The following CORO2A variants were observed in gnomAD, a reference collection of about 807,000 sequenced individuals.
The protein encoded by CORO2A is coronin 2A, also known as coronin-2A.
In CORO2A, 47 loss-of-function variants were observed where a neutral mutation model predicts 62.4. That is an observed-to-expected ratio of 0.75 (90% confidence interval 0.60 to 0.96). CORO2A has a LOEUF of 0.96. CORO2A is among the 40% of genes least tolerant of loss of function. The pLI is 0.00. For synonymous variants in CORO2A, 273 were observed against 268.9 expected (o/e 1.02, Z -0.15); for missense variants, 610 against 684.1 (o/e 0.89, Z 1.21).
chr9:98,128,765 C>T (rs1261367457), intron 8 of CORO2A, 46 bp from the exon 9 acceptor site: 1 of 1,548,440 alleles, frequency 6.5e-7, no homozygotes, highest in Admixed American at 1.7e-5. Flanking sequence ...TAGGCTGGGG[C>T]CACAGTGTTA....
intron 7 of CORO2A, 116 bp downstream of exon 7, chr9:98,130,839 A>C (rs945039245): frequency 1.3e-6 from 1 of 794,914 alleles, no homozygotes; most frequent in Non-Finnish European, 2.0e-6. Context: ...TCTCACAGGG[A>C]AAGAGTGGCC....
Position 98,126,656 on chromosome 9 carries a change from C to T in CORO2A, c.1339G>A (p.Glu447Lys). 3 of 1,614,246 alleles carry T rather than the reference C, an allele frequency of 1.9e-6. No individual in the cohort carries two copies. The highest frequency in any genetic ancestry group is 1.7e-6 in the Non-Finnish European group (2 of 1,180,042). The change falls in exon 11 of 12, where the codon GAG becomes AAG. Residue 447 changes from glutamate (E) to lysine (K), a missense_variant. Coordinates refer to ENST00000375077, the MANE Select transcript of CORO2A (RefSeq NM_052820.4). ...TCTGCTGCCCACCTTGGCATCTTCT[C>T]CTCCAACAGGGAGGAAGACCTCCAG... ...DGWRSSSLLEEKMPRWAAEHR... is the reference protein window; with the variant it reads ...DGWRSSSLLEKKMPRWAAEHR...
chr9:98,169,397 C>A (rs1828003761), intron 1 of CORO2A, among the ~76,000 whole-genome samples: 3 of 152,120 alleles, frequency 2.0e-5, no homozygotes. Flanking sequence ...CCTCCTCCTG[C>A]CCTGCCTCCT....
chr9:98,132,388 C>CTCCCAGGTGGAGCGGTGGCATA, intron 5 of CORO2A, 87 bp from the exon 6 acceptor site: 2 of 1,042,162 alleles, frequency 1.9e-6, no homozygotes, highest in South Asian at 1.3e-5. Context: ...TTGCTTATGC[C>CTCCCAGGTGGAGCGGTGGCATA]ACCGCTCCAC....
chr9:98,130,205 C>G (rs772664446), intron 7 of CORO2A, among the ~76,000 whole-genome samples: 10 of 152,152 alleles, frequency 6.6e-5, no homozygotes. Flanking sequence ...CTCAGCCTCC[C>G]GAGTAGGTGG....
intron 1 of CORO2A, among the ~76,000 whole-genome samples, chr9:98,180,767 G>A (rs959477542): frequency 1.3e-5 from 2 of 151,964 alleles, no homozygotes; most frequent in Admixed American, 1.3e-4. Context: ...CCCAATGATG[G>A]ATCAGTAAAA....
Position 98,133,172 on chromosome 9 carries a change from G to T in CORO2A, c.514C>A (p.Pro172Thr), listed in dbSNP as rs944716767. ...TGGTGACAGCTAATCGTACTCATGG[G>T]GCTTGTGATGACAGACTCCTTTGTA... ...LDTKESVITSPMSTISCHQDV... is the reference protein window; with the variant it reads ...LDTKESVITSTMSTISCHQDV... The change falls in exon 5 of 12, where the codon CCC becomes ACC. Residue 172 changes from proline to threonine, a missense_variant. Physicochemically the swap from Pro to Thr is conservative, Grantham distance 38. Transcript: ENST00000375077. The T allele has an allele frequency of 6.2e-7, 1 of 1,614,220 alleles. No individual in the cohort carries two copies. The highest frequency in any genetic ancestry group is 8.5e-7 in the Non-Finnish European group (1 of 1,180,042).
At chr9:98,183,885 CG>C (rs1564220900) in intron 1 of CORO2A, among the ~76,000 whole-genome samples, 1 of 152,170 alleles carries the variant, frequency 6.6e-6, no homozygotes, top group African/African-American at 2.4e-5. Context: ...CACTTGAACC[CG>C]GGAGGCGGAG....
At position 98,122,244 on chromosome 9, in the gene CORO2A, C is replaced by T. The variant is rs41313315; in HGVS notation, c.*2530G>A. 0.23 allele frequency: 35,484 copies of T among 152,100 alleles called. 4,357 individuals carry two copies. Among genetic ancestry groups the T allele is most frequent in the South Asian group, 0.32 (1,518 of 4,812 alleles). 9.4% of individuals were successfully genotyped at this position (152,100 alleles called of 1,614,324 possible). ...AATAGGTACACATGCAGTCTTCCAT[C>T]TTCACTGTACTGCAGATCACCTGTG... is the stretch of plus-strand genomic sequence containing the variant. On this transcript the variant is annotated 3_prime_UTR_variant, in exon 12 of 12. Transcript: ENST00000375077.
At chr9:98,179,959 C>T (rs79600003) in intron 1 of CORO2A, among the ~76,000 whole-genome samples, 27,216 of 152,016 alleles carry the variant, frequency 0.18, 3,796 homozygotes, top group African/African-American at 0.37. Flanking sequence ...GCCGAGATCA[C>T]GCCACTGCAC....
intron 2 of CORO2A, among the ~76,000 whole-genome samples, chr9:98,156,236 C>T (rs1337777289): frequency 6.6e-6 from 1 of 152,088 alleles, no homozygotes; most frequent in Non-Finnish European, 1.5e-5. Flanking sequence ...GATGGGGTTT[C>T]ACCATGTTGC....
At chr9:98,179,958 A>G (rs1383182559) in intron 1 of CORO2A, among the ~76,000 whole-genome samples, 1 of 152,160 alleles carries the variant, frequency 6.6e-6, no homozygotes, top group African/African-American at 2.4e-5. Flanking sequence ...AGCCGAGATC[A>G]CGCCACTGCA....
chr9:98,156,308 G>A lies in CORO2A; in HGVS notation c.201+1152C>T, dbSNP rs144771711. On this transcript the variant is annotated intron_variant, in intron 2 of 11. Transcript: ENST00000375077. ...TCTGGCCTTGGCCTTCCAAAGTGCT[G>A]GGATTACAGGTGTGAGCCACTGTAC... Among the ~76,000 whole-genome samples, 295 of 152,200 alleles carry A rather than the reference G, an allele frequency of 1.9e-3. 4 individuals carry two copies. In the East Asian group the frequency reaches 0.041, roughly 21 times the overall value.
At chr9:98,163,202 C>T (rs1588007487) in intron 1 of CORO2A, among the ~76,000 whole-genome samples, 2 of 151,750 alleles carry the variant, frequency 1.3e-5, no homozygotes, top group Non-Finnish European at 2.9e-5. Flanking sequence ...CTTTTTTTTT[C>T]TTTGAGACGG....
intron 3 of CORO2A, 41 bp downstream of exon 3, chr9:98,137,531 A>C (rs1827503313): frequency 1.3e-6 from 2 of 1,529,360 alleles, no homozygotes; most frequent in South Asian, 2.2e-5. Flanking sequence ...CCCCAATCCC[A>C]CTCTTCAGGA....
rs567736146 is a variant in CORO2A, at chr9:98,126,798, A to G, written c.1197T>C (p.Pro399=). ...GGTGGGGTCTCAGCAGCTCAGAGCC[A>G]GGCCTAAGGGACACCAGGATTGGGT... ...NRDPILVSLR[P]GSELLRPHPL... Residue 399 remains proline, a synonymous_variant, in exon 11 of 12, where the codon CCT becomes CCC. Coordinates refer to ENST00000375077, the MANE Select transcript of CORO2A (RefSeq NM_052820.4). 4 of 1,614,084 alleles carry G rather than the reference A, an allele frequency of 2.5e-6. No homozygotes were observed. The highest frequency in any genetic ancestry group is 1.7e-5 in the Admixed American group (1 of 60,002).
intron 2 of CORO2A, among the ~76,000 whole-genome samples, chr9:98,147,017 A>G (rs983899797): frequency 1.3e-5 from 2 of 152,198 alleles, no homozygotes; most frequent in Admixed American, 6.5e-5. Context: ...CTGTTATCCC[A>G]GCACTTTGGG....
At chr9:98,127,282 C>T (rs945634675) in intron 10 of CORO2A, among the ~76,000 whole-genome samples, 28 of 152,350 alleles carry the variant, frequency 1.8e-4, no homozygotes, top group African/African-American at 5.8e-4. Context: ...GGACTCGGCC[C>T]TGGTCCGCTG....
chr9:98,188,694 G>T (rs749285367), intron 1 of CORO2A, among the ~76,000 whole-genome samples: 13 of 152,122 alleles, frequency 8.5e-5, no homozygotes, highest in Non-Finnish European at 1.9e-4. Flanking sequence ...AACCCAGGAG[G>T]CAGAGGCGGA....
Sources: gnomAD v4.1 joint callset for allele counts (sites outside exome capture counted in the v4.1 genomes callset) on GRCh38, gnomAD v4.1.1 for gene constraint, MANE v1.5 for transcripts, NCBI Gene and HGNC (gene_info 2026-07-23, HGNC 2026-07-21) for gene names.